The following DDX60L variants were observed in gnomAD, a reference collection of about 807,000 sequenced individuals.
The protein encoded by DDX60L is probable ATP-dependent RNA helicase DDX60-like.
Under a neutral mutation model 211.6 loss-of-function variants are expected in DDX60L, and 191 were observed. The ratio of observed to expected loss-of-function variants is 0.90; its 90% confidence interval spans 0.80 to 1.02. The LOEUF (loss-of-function observed/expected upper bound fraction) is 1.02. Among genes scored for constraint, DDX60L ranks in the 50% least tolerant of loss-of-function variants. DDX60L has a pLI of 0.00. For missense variants in DDX60L, 2,007 were observed against 1,984.1 expected (o/e 1.01, Z -0.22); for synonymous variants, 706 against 694.1 (o/e 1.02, Z -0.27).
At chr4:168,448,607 G>A in intron 9 of DDX60L, 31 bp downstream of exon 9, 3 of 1,447,136 alleles carry the variant, frequency 2.1e-6, no homozygotes, top group Non-Finnish European at 2.8e-6. Context: ...ATTTGTTCAT[G>A]ATATAATGTT....
At chr4:168,432,662 C>T (rs1752527799) in intron 11 of DDX60L, 92 bp from the exon 12 acceptor site, 2 of 696,288 alleles carry the variant, frequency 2.9e-6, no homozygotes, top group African/African-American at 1.9e-5. Flanking sequence ...TGTACAACCT[C>T]TTTTTCTATT....
chr4:168,369,373 A>T (rs1460191757), intron 36 of DDX60L, among the ~76,000 whole-genome samples: 2 of 152,014 alleles, frequency 1.3e-5, no homozygotes, highest in African/African-American at 4.8e-5. Flanking sequence ...CATGATTGTG[A>T]GGTTGCGGAA....
chr4:168,438,180 T>C lies in DDX60L; in HGVS notation c.1294+3157A>G, dbSNP rs150260199. On this transcript the variant is annotated intron_variant, in intron 10 of 37. Coordinates refer to ENST00000682922, the MANE Select transcript of DDX60L (RefSeq NM_001012967.3). ...GAGACACCACAACTGGCCCCAAGTTTTTAGACAAAGCTTTGTTCCTTTAAC... is the reference window on the plus strand; with the variant it reads ...GAGACACCACAACTGGCCCCAAGTTCTTAGACAAAGCTTTGTTCCTTTAAC... Among the ~76,000 whole-genome samples the C allele has an allele frequency of 3.7e-3, 560 of 152,294 alleles. 2 individuals carry two copies. Among genetic ancestry groups the C allele is most frequent in the Middle Eastern group, 0.01 (3 of 294 alleles).
At chr4:168,390,398 A>G in intron 29 of DDX60L, 1 of 1,266,798 alleles carries the variant, frequency 7.9e-7, no homozygotes, top group Non-Finnish European at 9.9e-7. Context: ...GTCTATAGCT[A>G]TACTTGAGAA....
chr4:168,417,910 C>T (rs1056823311), intron 19 of DDX60L, among the ~76,000 whole-genome samples: 1 of 152,198 alleles, frequency 6.6e-6, no homozygotes, highest in African/African-American at 2.4e-5. Flanking sequence ...TCCCTTCTGA[C>T]TTTGATCTAG....
chr4:168,462,515 T>C (rs1355181953), intron 4 of DDX60L, among the ~76,000 whole-genome samples: 1 of 152,104 alleles, frequency 6.6e-6, no homozygotes, highest in Non-Finnish European at 1.5e-5. Context: ...CAGACACTTT[T>C]CAAAAGAAGA....
intron 29 of DDX60L, among the ~76,000 whole-genome samples, chr4:168,388,692 C>T (rs982932170): frequency 3.3e-5 from 5 of 152,122 alleles, no homozygotes; most frequent in Admixed American, 6.5e-5. Flanking sequence ...GACCAGATTC[C>T]CCCATATTAA....
At chr4:168,477,758 A>C (rs551890228) in intron 1 of DDX60L, among the ~76,000 whole-genome samples, 1 of 152,316 alleles carries the variant, frequency 6.6e-6, no homozygotes, top group African/African-American at 2.4e-5. Flanking sequence ...CCCCTTCAAA[A>C]CTAGGAAGCC....
At chr4:168,465,890 AC>A (rs1236140000) in intron 4 of DDX60L, among the ~76,000 whole-genome samples, 1 of 152,152 alleles carries the variant, frequency 6.6e-6, no homozygotes, top group East Asian at 1.9e-4. Flanking sequence ...TGTTTGGGTT[AC>A]TAGAGCTTTG....
chr4:168,420,674 T>TAGAC (rs1349816866), intron 17 of DDX60L, among the ~76,000 whole-genome samples: 4 of 135,466 alleles, frequency 3.0e-5, no homozygotes, highest in South Asian at 2.3e-4. Context: ...GATAGATAGA[T>TAGAC]AGATAGATAG....
chr4:168,408,391 G>T (rs553992921), intron 22 of DDX60L, among the ~76,000 whole-genome samples: 129 of 152,124 alleles, frequency 8.5e-4, no homozygotes, highest in Middle Eastern at 3.4e-3. Flanking sequence ...TAACTTTCAG[G>T]TATTCTTTTT....
At chr4:168,393,238 G>A (rs1745163179) in intron 28 of DDX60L, among the ~76,000 whole-genome samples, 1 of 152,192 alleles carries the variant, frequency 6.6e-6, no homozygotes, top group Non-Finnish European at 1.5e-5. Flanking sequence ...GCTCACGCCT[G>A]TAATACCAGC....
chr4:168,448,861 CACAAGGGACATTTCTGGGTGGAATGATA>C, intron 8 of DDX60L, 82 bp from the exon 9 acceptor site: 1 of 1,253,640 alleles, frequency 8.0e-7, no homozygotes, highest in Non-Finnish European at 1.1e-6. Context: ...TAAGGTAGGT[CACAAGGGACATTTCTGGGTGGAATGATA>C]AAGTCATTAC....
At chr4:168,416,167 G>A (rs930228003) in intron 20 of DDX60L, among the ~76,000 whole-genome samples, 8 of 152,108 alleles carry the variant, frequency 5.3e-5, no homozygotes, top group Non-Finnish European at 7.4e-5. Flanking sequence ...AATACTTGAC[G>A]TTCATATAAT....
At position 168,373,734 on chromosome 4, in the gene DDX60L, T is replaced by C. The variant is rs760664630; in HGVS notation, c.4708A>G (p.Ile1570Val). 2 of 1,614,054 alleles carry C rather than the reference T, an allele frequency of 1.2e-6. No individual in the cohort carries two copies. Among genetic ancestry groups the C allele is most frequent in the South Asian group, 2.2e-5 (2 of 91,072 alleles). Residue 1570 changes from isoleucine (I) to valine (V), a missense_variant, in exon 35 of 38, where the codon ATT becomes GTT. Coordinates refer to ENST00000682922, the MANE Select transcript of DDX60L (RefSeq NM_001012967.3). The stretch of plus-strand genomic sequence containing the variant: ...CCCGAAAGACAAACAAATGGTGAAA[T>C]GGCTACTCTTCCTTTCTTGCAGCTC... Reference protein sequence around the residue: ...LMSCKKGRVAISPFVCLSGNT... With the variant: ...LMSCKKGRVAVSPFVCLSGNT...
chr4:168,433,804 G>A (rs768561934), intron 10 of DDX60L, among the ~76,000 whole-genome samples: 1 of 152,038 alleles, frequency 6.6e-6, no homozygotes, highest in Non-Finnish European at 1.5e-5. Context: ...TTCCTGAATT[G>A]TATCATATAC....
In DDX60L at chr4:168,375,398, G is replaced by T; in HGVS notation, c.4612C>A (p.Gln1538Lys). ...SKSVNMKKEH[Q>K]LPLSRIKFTG... ...TTACTGATTCTTGACAAAGGGAGTT[G>T]ATGCTCTTTTTTCATGTTCACCGAC... Residue 1538 changes from glutamine (Q) to lysine (K), a missense_variant, in exon 34 of 38, where the codon CAA becomes AAA. Coordinates refer to ENST00000682922, the MANE Select transcript of DDX60L (RefSeq NM_001012967.3). 1 of 1,612,508 alleles carries T rather than the reference G, an allele frequency of 6.2e-7. No individual in the cohort carries two copies. Among genetic ancestry groups the T allele is most frequent in the Non-Finnish European group, 8.5e-7 (1 of 1,179,232 alleles).
At chr4:168,420,642 GAGATAGATAGATAGATAGATAGAT>G (rs3068291) in intron 17 of DDX60L, among the ~76,000 whole-genome samples, 1 of 136,452 alleles carries the variant, frequency 7.3e-6, no homozygotes. Flanking sequence ...ACACACACAT[GAGATAGATAGATAGATAGATAGAT>G]AGATAGATAG....
chr4:168,476,214 C>T (rs975611855), intron 1 of DDX60L: 23 of 151,332 alleles, frequency 1.5e-4, no homozygotes, highest in African/African-American at 5.6e-4. Context: ...CACTTATCCC[C>T]TATTGTCAAT....
Sources: allele counts gnomAD v4.1 joint callset (sites outside exome capture counted in the v4.1 genomes callset), GRCh38; gene constraint gnomAD v4.1.1; transcripts MANE v1.5; gene names NCBI Gene and HGNC (gene_info 2026-07-23, HGNC 2026-07-21).